MEGF11: variants seen among roughly 807,000 people sequenced by gnomAD.
MEGF11 encodes the protein multiple epidermal growth factor-like domains protein 11.
A neutral mutation model predicts 146.6 loss-of-function variants in MEGF11; 126 were observed. The ratio of observed to expected loss-of-function variants is 0.86; its 90% confidence interval spans 0.74 to 1.00. MEGF11 has a LOEUF of 1.00. Ranked by LOEUF, MEGF11 falls within the 50% of genes least tolerant of loss-of-function variation. MEGF11 has a pLI of 0.00. For synonymous variants in MEGF11, 532 were observed against 583.4 expected (o/e 0.91, Z 1.27); for missense variants, 1,509 against 1,521.2 (o/e 0.99, Z 0.13).
chr15:65,898,417 T>TA (rs1294665403), intron 25 of MEGF11: 1 of 985,310 alleles, frequency 1.0e-6, no homozygotes, highest in East Asian at 1.1e-4. Context: ...CTTTCTTTTT[T>TA]AAAATGAGAT....
intron 5 of MEGF11, among the ~76,000 whole-genome samples, chr15:66,076,116 G>T (rs1410804646): frequency 6.6e-6 from 1 of 152,194 alleles, no homozygotes; most frequent in African/African-American, 2.4e-5. Flanking sequence ...AGAATAAAGA[G>T]ATAGATGGAT....
intron 1 of MEGF11, among the ~76,000 whole-genome samples, chr15:66,149,119 C>T (rs896791816): frequency 6.6e-6 from 1 of 152,210 alleles, no homozygotes; most frequent in Non-Finnish European, 1.5e-5. Context: ...CTCAATGATC[C>T]TTTCTGGCCC....
At chr15:66,213,842 A>C (rs12324766) in intron 1 of MEGF11, among the ~76,000 whole-genome samples, 51,509 of 151,876 alleles carry the variant, frequency 0.34, 10,173 homozygotes, top group East Asian at 0.56. Context: ...CCACCCTGCC[A>C]GGAGCTAAGC....
intron 1 of MEGF11, among the ~76,000 whole-genome samples, chr15:66,134,032 G>A (rs1334179443): frequency 1.3e-5 from 2 of 152,094 alleles, no homozygotes; most frequent in Non-Finnish European, 2.9e-5. Flanking sequence ...GCCTCGGGCT[G>A]CAAATCCTGA....
rs143030345 is a variant in MEGF11 at position 65,932,002 on chromosome 15, G to T, written c.1288-1059C>A. 2.1e-3 allele frequency among the ~76,000 whole-genome samples: 314 copies of T among 152,284 alleles called. 1 individual carries two copies. Among genetic ancestry groups the T allele is most frequent in the African/African-American group, 7.4e-3 (306 of 41,544 alleles). ...GCTGCTTAACCATTACATTACCGGG[G>T]ATCCTAAACTGGCTACCCTGGAAAA... On this transcript the variant is annotated intron_variant, in intron 10 of 25. Coordinates refer to ENST00000395614, the MANE Select transcript of MEGF11 (RefSeq NM_001385028.1).
At chr15:66,199,341 T>C (rs2091091717) in intron 1 of MEGF11, among the ~76,000 whole-genome samples, 1 of 152,002 alleles carries the variant, frequency 6.6e-6, no homozygotes, top group Admixed American at 6.6e-5. Flanking sequence ...TTCCCCACCC[T>C]CCTCTCCTCC....
intron 5 of MEGF11, among the ~76,000 whole-genome samples, chr15:66,036,090 C>G (rs920263480): frequency 6.6e-6 from 1 of 152,230 alleles, no homozygotes; most frequent in Non-Finnish European, 1.5e-5. Context: ...CAGGCACAGC[C>G]AGAGGGGCCA....
intron 24 of MEGF11, among the ~76,000 whole-genome samples, chr15:65,900,206 T>C (rs147805516): frequency 1.8e-4 from 27 of 152,346 alleles, no homozygotes; most frequent in Admixed American, 4.6e-4. Flanking sequence ...TAAATTTCTG[T>C]GAAAGGTAGC....
intron 10 of MEGF11, among the ~76,000 whole-genome samples, chr15:65,954,051 A>C (rs1379888679): frequency 6.6e-6 from 1 of 152,110 alleles, no homozygotes; most frequent in Non-Finnish European, 1.5e-5. Flanking sequence ...CACATCCAAT[A>C]GCAGGCAAAA....
chr15:66,251,782 C>G lies in MEGF11; in HGVS notation c.-9+1823G>C, dbSNP rs192823089. Reference sequence around the variant, plus strand: ...GCTCTAAGCAAGTCCTTTCACTTCTCTGGACCTCAGTTTGCTGATCTGTGA... The same window carrying G: ...GCTCTAAGCAAGTCCTTTCACTTCTGTGGACCTCAGTTTGCTGATCTGTGA... On this transcript the variant is annotated intron_variant, in intron 1 of 25. Coordinates refer to ENST00000395614, the MANE Select transcript of MEGF11 (RefSeq NM_001385028.1). 1.5e-3 allele frequency among the ~76,000 whole-genome samples: 229 copies of G among 152,360 alleles called. 1 individual carries two copies. The highest frequency in any genetic ancestry group is 5.4e-3 in the African/African-American group (223 of 41,592).
intron 5 of MEGF11, among the ~76,000 whole-genome samples, chr15:66,046,642 G>T (rs531272133): frequency 6.6e-6 from 1 of 152,326 alleles, no homozygotes; most frequent in Non-Finnish European, 1.5e-5. Context: ...TGTTTGCTTT[G>T]TTCTTAAAGG....
chr15:66,209,781 A>G (rs2091397177), intron 1 of MEGF11, among the ~76,000 whole-genome samples: 1 of 152,026 alleles, frequency 6.6e-6, no homozygotes, highest in African/African-American at 2.4e-5. Flanking sequence ...GAGGGAAGTG[A>G]GTGAAGCTAT....
rs1466840272 is a variant in MEGF11 at position 65,935,363 on chromosome 15, G to C, written c.1288-4420C>G. On this transcript the variant is annotated intron_variant, in intron 10 of 25. Transcript: ENST00000395614. ...AAAAAAAAAAAAAAAAAAAAAAAAAGGCAAAACAGCCTGGAGCTTTTGACT... is the reference window on the plus strand; with the variant it reads ...AAAAAAAAAAAAAAAAAAAAAAAAACGCAAAACAGCCTGGAGCTTTTGACT... 1.6e-4 allele frequency among the ~76,000 whole-genome samples: 12 copies of C among 76,628 alleles called. No homozygotes were observed. In the South Asian group the frequency reaches 4.4e-3, roughly 28 times the overall value. 50.3% of individuals were successfully genotyped at this position (76,628 alleles called of 152,430 possible).
At chr15:65,965,337 TC>T (rs1567179793) in intron 8 of MEGF11, 2 of 480,506 alleles carry the variant, frequency 4.2e-6, no homozygotes, top group Non-Finnish European at 7.3e-6. Flanking sequence ...GTCGGCTCAG[TC>T]CCCCCAGCAA....
intron 1 of MEGF11, among the ~76,000 whole-genome samples, chr15:66,147,337 C>T (rs189717396): frequency 1.3e-5 from 2 of 152,348 alleles, no homozygotes; most frequent in African/African-American, 4.8e-5. Flanking sequence ...GCCCTTCATC[C>T]AGTCATTCAC....
At chr15:66,122,646 C>G (rs532284794) in intron 3 of MEGF11, among the ~76,000 whole-genome samples, 2 of 152,216 alleles carry the variant, frequency 1.3e-5, no homozygotes, top group Non-Finnish European at 2.9e-5. Flanking sequence ...CAAATAGTGT[C>G]GCTTCACATG....
intron 1 of MEGF11, among the ~76,000 whole-genome samples, chr15:66,223,630 G>A (rs967069224): frequency 6.6e-5 from 10 of 152,172 alleles, no homozygotes. Flanking sequence ...GGCTGAGGCA[G>A]GAGAATCGCT....
intron 8 of MEGF11, among the ~76,000 whole-genome samples, chr15:65,966,864 A>C (rs2081118277): frequency 6.6e-6 from 1 of 151,512 alleles, no homozygotes; most frequent in Admixed American, 6.6e-5. Flanking sequence ...CCTTACCCCC[A>C]CCCTGGGCTC....
chr15:65,899,997 T>C (rs1371066725), intron 24 of MEGF11, among the ~76,000 whole-genome samples: 2 of 152,132 alleles, frequency 1.3e-5, no homozygotes, highest in Non-Finnish European at 2.9e-5. Flanking sequence ...TCTTTCAGCC[T>C]CTGTACCATT....
Sources: allele counts gnomAD v4.1 joint callset (sites outside exome capture counted in the v4.1 genomes callset), GRCh38; gene constraint gnomAD v4.1.1; transcripts MANE v1.5; gene names NCBI Gene and HGNC (gene_info 2026-07-23, HGNC 2026-07-21).